NRG1: variants seen among roughly 807,000 people sequenced by gnomAD.
NRG1 encodes pro-neuregulin-1, membrane-bound isoform.
Under a neutral mutation model 63.8 loss-of-function variants are expected in NRG1, and 18 were observed. That is an observed-to-expected ratio of 0.28 (90% CI 0.19 to 0.42). The LOEUF is 0.42. NRG1 is among the 10% of genes least tolerant of loss of function. NRG1 has a pLI of 1.00. For synonymous variants in NRG1, 302 were observed against 301.3 expected (o/e 1.00, Z -0.02); for missense variants, 762 against 814.7 (o/e 0.94, Z 0.79).
At chr8:32,676,946 A>T (rs1470593354) in intron 5 of NRG1, among the ~76,000 whole-genome samples, 1 of 152,188 alleles carries the variant, frequency 6.6e-6, no homozygotes, top group Non-Finnish European at 1.5e-5. Context: ...AATATTATTT[A>T]AATTAATTAT....
At chr8:32,663,266 A>G (rs1021260751) in intron 5 of NRG1, among the ~76,000 whole-genome samples, 1 of 152,168 alleles carries the variant, frequency 6.6e-6, no homozygotes, top group African/African-American at 2.4e-5. Flanking sequence ...TACTCATCTT[A>G]GAAATGTGCA....
In NRG1 at chr8:32,573,262, C is replaced by T. The variant is rs537838696; in HGVS notation, c.101-22566C>T. ...CAGATGTTCCATGATGACTTATTGA[C>T]TCGATAACAGGGATCTGCAAACATT... On this transcript the variant is annotated intron_variant, in intron 1 of 11. Coordinates refer to ENST00000356819, the Ensembl canonical transcript of NRG1. Among the ~76,000 whole-genome samples the T allele has an allele frequency of 6.6e-5, 10 of 152,334 alleles. No individual in the cohort carries two copies. In the South Asian group the frequency reaches 1.0e-3, roughly 16 times the overall value.
intron 1 of NRG1, among the ~76,000 whole-genome samples, chr8:32,215,125 A>G (rs1845082711): frequency 6.6e-6 from 1 of 152,232 alleles, no homozygotes; most frequent in African/African-American, 2.4e-5. Context: ...ATATACATAT[A>G]TTTTATTTGC....
At position 32,421,503 on chromosome 8, in the gene NRG1, G is replaced by A. The variant is rs564894766; in HGVS notation, c.38-174325G>A. Reference sequence around the variant, plus strand: ...TGATGAGTGAGGTCATGTTAATAAAGCCCTGGGAAAGAAAAGCAATGTGAA... The same window carrying A: ...TGATGAGTGAGGTCATGTTAATAAAACCCTGGGAAAGAAAAGCAATGTGAA... On this transcript the variant is annotated intron_variant, in intron 1 of 10. Transcript: ENST00000519301. 7.2e-5 allele frequency among the ~76,000 whole-genome samples: 11 copies of A among 152,272 alleles called. No individual in the cohort carries two copies. The South Asian group carries it at 2.1e-3, about 29-fold the overall frequency.
At chr8:32,017,121 G>A (rs534901801) in intron 1 of NRG1, among the ~76,000 whole-genome samples, 23 of 152,184 alleles carry the variant, frequency 1.5e-4, no homozygotes, top group Admixed American at 2.6e-4. Flanking sequence ...ACTGAAGAGC[G>A]TAGCTATTTC....
chr8:31,774,372 A>G (rs968014866), intron 1 of NRG1, among the ~76,000 whole-genome samples: 8 of 151,962 alleles, frequency 5.3e-5, no homozygotes, highest in Non-Finnish European at 8.8e-5. Flanking sequence ...ATATATATTT[A>G]TTTGTTGGCT....
At chr8:31,852,621 C>G (rs1419432870) in intron 1 of NRG1, among the ~76,000 whole-genome samples, 6 of 150,982 alleles carry the variant, frequency 4.0e-5, no homozygotes, top group African/African-American at 7.3e-5. Context: ...TAATTAGATC[C>G]CATTTGTCAA....
chr8:32,470,801 C>CTT (rs1220044017), intron 1 of NRG1, among the ~76,000 whole-genome samples: 1 of 146,026 alleles, frequency 6.8e-6, no homozygotes. Flanking sequence ...CTCGTTGGGT[C>CTT]TTTTTTTTTT....
intron 5 of NRG1, among the ~76,000 whole-genome samples, chr8:32,668,269 C>CA: frequency 6.6e-6 from 1 of 151,672 alleles, no homozygotes; most frequent in East Asian, 1.9e-4. Flanking sequence ...CCCCCTTTTG[C>CA]AACTATTTAA....
intron 1 of NRG1, among the ~76,000 whole-genome samples, chr8:31,706,047 C>T (rs1811117804): frequency 6.6e-6 from 1 of 152,110 alleles, no homozygotes; most frequent in Non-Finnish European, 1.5e-5. Context: ...AATTAAATTT[C>T]GACCTTAAAT....
At chr8:32,309,479 A>T (rs1025011319) in intron 1 of NRG1, among the ~76,000 whole-genome samples, 2 of 152,124 alleles carry the variant, frequency 1.3e-5, no homozygotes, top group Admixed American at 1.3e-4. Flanking sequence ...CTTCATGTAC[A>T]CGTGAAATTA....
chr8:31,658,649 G>T (rs1269856074), intron 1 of NRG1, among the ~76,000 whole-genome samples: 2 of 152,310 alleles, frequency 1.3e-5, no homozygotes, highest in East Asian at 3.9e-4. Context: ...TTTTTGTAGA[G>T]ACAGGGTTTC....
chr8:32,073,329 G>T (rs1826025496), intron 1 of NRG1, among the ~76,000 whole-genome samples: 1 of 152,158 alleles, frequency 6.6e-6, no homozygotes, highest in South Asian at 2.1e-4. Context: ...TGGAACCGAG[G>T]AGAAAGCTTA....
intron 1 of NRG1, among the ~76,000 whole-genome samples, chr8:31,985,293 T>G (rs1809867651): frequency 6.6e-6 from 1 of 152,110 alleles, no homozygotes; most frequent in Admixed American, 6.6e-5. Context: ...TGATTTCCTT[T>G]TTATACATCT....
intron 1 of NRG1, among the ~76,000 whole-genome samples, chr8:32,056,171 T>C (rs956636461): frequency 1.3e-5 from 2 of 152,120 alleles, no homozygotes; most frequent in African/African-American, 4.8e-5. Flanking sequence ...ATAAATTCAT[T>C]GTCTCCCTGT....
chr8:31,943,297 G>A (rs28483967), intron 1 of NRG1, among the ~76,000 whole-genome samples: 3,903 of 152,122 alleles, frequency 0.026, 170 homozygotes, highest in African/African-American at 0.089. Flanking sequence ...AAAACCAAAC[G>A]TTGTATGTTC....
In NRG1 at chr8:32,251,630, C is replaced by T. The variant is rs151083515; in HGVS notation, c.38-344198C>T. Among the ~76,000 whole-genome samples the T allele has an allele frequency of 9.3e-4, 141 of 152,258 alleles. No homozygotes were observed. The East Asian group carries it at 0.015, about 17-fold the overall frequency. ...TGGTTCTAGATTCTTGAGGAATCGCCGCACTGTCTTCCACAATGGTTGAAC... is the reference window on the plus strand; with the variant it reads ...TGGTTCTAGATTCTTGAGGAATCGCTGCACTGTCTTCCACAATGGTTGAAC... On this transcript the variant is annotated intron_variant, in intron 1 of 10. Coordinates refer to the NRG1 transcript ENST00000519301.
chr8:32,652,051 C>A (rs1855248819), intron 5 of NRG1, among the ~76,000 whole-genome samples: 2 of 152,040 alleles, frequency 1.3e-5, no homozygotes, highest in African/African-American at 2.4e-5. Flanking sequence ...GTGGCAAAAT[C>A]CAAAGTATTA....
In NRG1 at chr8:32,648,532, T is replaced by C. The variant is rs1854219399; in HGVS notation, c.502+31647T>C. 5 of 1,235,376 alleles carry C rather than the reference T, an allele frequency of 4.0e-6. No individual in the cohort carries two copies. The South Asian group carries it at 6.4e-5, about 16-fold the overall frequency. 76.5% of individuals were successfully genotyped at this position (1,235,376 alleles called of 1,614,324 possible). A position where few individuals can be genotyped will look rare whatever the true frequency, so the allele number is the denominator to read the frequency against. ...TATGTTTGAGATGCTTGGGATGGCA[T>C]TGAAGGGCCGAGTAAAATGATCTTG... is the stretch of plus-strand genomic sequence containing the variant. On this transcript the variant is annotated intron_variant, in intron 5 of 11. Coordinates refer to ENST00000356819, the Ensembl canonical transcript of NRG1.
Sources: gnomAD v4.1 joint callset for allele counts (sites outside exome capture counted in the v4.1 genomes callset) on GRCh38, gnomAD v4.1.1 for gene constraint, MANE v1.5 for transcripts, NCBI Gene and HGNC (gene_info 2026-07-23, HGNC 2026-07-21) for gene names.